LRRC49: variants seen among roughly 807,000 people sequenced by gnomAD.
LRRC49 encodes the protein leucine-rich repeat-containing protein 49.
A neutral mutation model predicts 83.3 loss-of-function variants in LRRC49; 50 were observed. The observed-to-expected ratio is 0.60, with a 90% confidence interval of 0.48 to 0.76. The LOEUF (loss-of-function observed/expected upper bound fraction) is 0.76. LRRC49 is among the 30% of genes least tolerant of loss of function. The pLI is 0.00. For synonymous variants in LRRC49, 286 were observed against 283.3 expected (o/e 1.01, Z -0.10); for missense variants, 704 against 809.1 (o/e 0.87, Z 1.58).
intron 4 of LRRC49, among the ~76,000 whole-genome samples, chr15:70,904,148 T>C (rs776865845): frequency 6.6e-6 from 1 of 152,170 alleles, no homozygotes; most frequent in Non-Finnish European, 1.5e-5. Context: ...GATGACTTAG[T>C]TGCCTGGGTA....
At chr15:70,988,442 G>C (rs1479676639) in intron 11 of LRRC49, among the ~76,000 whole-genome samples, 2 of 151,454 alleles carry the variant, frequency 1.3e-5, no homozygotes, top group African/African-American at 2.4e-5. Context: ...TGTTTTATCA[G>C]AGACTAGGAT....
intron 9 of LRRC49, among the ~76,000 whole-genome samples, chr15:70,974,754 T>C (rs183572293): frequency 5.4e-4 from 81 of 149,416 alleles, no homozygotes; most frequent in Middle Eastern, 3.5e-3. Flanking sequence ...AAGAAGGATA[T>C]GAGATAGAGA....
intron 1 of LRRC49, chr15:70,859,790 C>T: frequency 1.3e-6 from 1 of 746,882 alleles, no homozygotes; most frequent in Non-Finnish European, 2.5e-6. Flanking sequence ...GGAGGCCTCT[C>T]TGCAATGGGC....
chr15:70,926,901 C>A, intron 7 of LRRC49, among the ~76,000 whole-genome samples: 1 of 152,132 alleles, frequency 6.6e-6, no homozygotes, highest in Non-Finnish European at 1.5e-5. Context: ...AAACAAACAA[C>A]CCCACCAAAA....
chr15:71,049,760 T>C lies in LRRC49; in HGVS notation c.*148T>C. On this transcript the variant is annotated 3_prime_UTR_variant, in exon 16 of 16. Transcript: ENST00000260382. ...CATTATTGCCCACTGTTCTCATAGC[T>C]AAAAGTTAAGAAGGAAGGAAGGAAA... The C allele has an allele frequency of 1.7e-6, 1 of 575,940 alleles. No individual in the cohort carries two copies. The highest frequency in any genetic ancestry group is 3.0e-6 in the Non-Finnish European group (1 of 334,046). 35.7% of individuals were successfully genotyped at this position (575,940 alleles called of 1,614,324 possible).
chr15:70,958,373 G>T (rs992522497), intron 8 of LRRC49, among the ~76,000 whole-genome samples: 1 of 151,962 alleles, frequency 6.6e-6, no homozygotes, highest in South Asian at 2.1e-4. Flanking sequence ...CTTAATTATT[G>T]TTTTGATGGT....
At chr15:70,861,942 G>T (rs1242847858) in intron 1 of LRRC49, among the ~76,000 whole-genome samples, 1 of 151,982 alleles carries the variant, frequency 6.6e-6, no homozygotes, top group Middle Eastern at 3.2e-3. Context: ...AAAAATAGAT[G>T]GGTTTTATTT....
At chr15:70,962,280 A>T (rs145413676) in intron 8 of LRRC49, among the ~76,000 whole-genome samples, 1 of 152,204 alleles carries the variant, frequency 6.6e-6, no homozygotes, top group Admixed American at 6.5e-5. Flanking sequence ...TGGAGACATC[A>T]GTATAAACTC....
At chr15:70,979,064 T>C (rs2037308027) in intron 9 of LRRC49, among the ~76,000 whole-genome samples, 1 of 152,162 alleles carries the variant, frequency 6.6e-6, no homozygotes, top group Admixed American at 6.5e-5. Flanking sequence ...AATTATCGTA[T>C]TATTTTGAGT....
At chr15:70,896,056 G>A in intron 3 of LRRC49, 120 bp downstream of exon 3, 1 of 602,562 alleles carries the variant, frequency 1.7e-6, no homozygotes, top group Non-Finnish European at 2.8e-6. Flanking sequence ...TGTTCATTGG[G>A]ACCAAATTGG....
intron 1 of LRRC49, among the ~76,000 whole-genome samples, chr15:70,870,615 C>T (rs945670587): frequency 3.9e-5 from 6 of 152,142 alleles, no homozygotes; most frequent in Non-Finnish European, 5.9e-5. Flanking sequence ...CTCAGCCTCC[C>T]GAGTAGCTGG....
chr15:70,858,648 G>A, intron 1 of LRRC49: 1 of 530,438 alleles, frequency 1.9e-6, no homozygotes, highest in Admixed American at 3.3e-5. Flanking sequence ...CCAAGAAGCA[G>A]CTTCTCTGCT....
Position 71,008,533 on chromosome 15 carries a change from A to G in LRRC49, c.1324A>G (p.Thr442Ala), listed in dbSNP as rs751085194. 6.2e-7 allele frequency: 1 copy of G among 1,612,748 alleles called. No individual in the cohort carries two copies. Among genetic ancestry groups the G allele is most frequent in the Non-Finnish European group, 8.5e-7 (1 of 1,179,126 alleles). Residue 442 changes from threonine to alanine, a missense_variant, in exon 12 of 16, where the codon ACA becomes GCA. Transcript: ENST00000260382. ...GAGTGTTCAAACAGCAGGAATGATCACAACAGTCTCCTTCACTTTCATAGA... is the reference window on the plus strand; with the variant it reads ...GAGTGTTCAAACAGCAGGAATGATCGCAACAGTCTCCTTCACTTTCATAGA... ...NWSVQTAGMI[T>A]TVSFTFIEFD...
chr15:70,892,275 C>A (rs750254280), upstream of LRRC49: 2 of 1,558,672 alleles, frequency 1.3e-6, no homozygotes, highest in Non-Finnish European at 1.7e-6. Flanking sequence ...GCCGGCATGG[C>A]GGCCGTCTTC....
chr15:70,992,256 C>T (rs1248160734), intron 11 of LRRC49, among the ~76,000 whole-genome samples: 1 of 152,250 alleles, frequency 6.6e-6, no homozygotes, highest in East Asian at 1.9e-4. Flanking sequence ...TGGGTTCGAA[C>T]TTCCTCCATT....
chr15:71,004,540 C>T (rs750023580), intron 11 of LRRC49, among the ~76,000 whole-genome samples: 24 of 151,888 alleles, frequency 1.6e-4, no homozygotes, highest in Non-Finnish European at 3.1e-4. Context: ...ATCCCAGCTA[C>T]TCGGGAGGCT....
At chr15:70,867,327 A>C (rs1595968672) in intron 1 of LRRC49, among the ~76,000 whole-genome samples, 1 of 152,210 alleles carries the variant, frequency 6.6e-6, no homozygotes, top group Non-Finnish European at 1.5e-5. Flanking sequence ...TTTGAAATGC[A>C]TGATGAGATT....
At chr15:70,963,610 T>C (rs1457653878) in intron 8 of LRRC49, among the ~76,000 whole-genome samples, 175 bp from the exon 9 acceptor site, 3 of 152,166 alleles carry the variant, frequency 2.0e-5, no homozygotes, top group African/African-American at 4.8e-5. Flanking sequence ...AAATGTACTA[T>C]ACTAACACAA....
intron 9 of LRRC49, among the ~76,000 whole-genome samples, chr15:70,969,775 CTCTG>C (rs1418993585): frequency 5.3e-5 from 8 of 151,688 alleles, no homozygotes; most frequent in Non-Finnish European, 1.0e-4. Flanking sequence ...TGATTTGGCT[CTCTG>C]TCTATTATTG....
Sources: gnomAD v4.1 joint callset for allele counts (sites outside exome capture counted in the v4.1 genomes callset) on GRCh38, gnomAD v4.1.1 for gene constraint, MANE v1.5 for transcripts, NCBI Gene and HGNC (gene_info 2026-07-23, HGNC 2026-07-21) for gene names.